The following SYT14 variants were observed in gnomAD, a reference collection of about 807,000 sequenced individuals.
SYT14 encodes the protein synaptotagmin 14, also known as synaptotagmin-14.
SYT14 carries 32 observed loss-of-function variants against 74.2 expected under a neutral mutation model. The ratio of observed to expected loss-of-function variants is 0.43; its 90% CI spans 0.33 to 0.58. The LOEUF is 0.58. Ranked by LOEUF, SYT14 falls within the 20% of genes least tolerant of loss-of-function variation. The probability of loss-of-function intolerance (pLI) is 0.05; values close to 1 mark genes in which losing one functional copy is unlikely to be tolerated. For synonymous variants in SYT14, 298 were observed against 337.7 expected (o/e 0.88, Z 1.29); for missense variants, 791 against 981.8 (o/e 0.81, Z 2.60).
intron 4 of SYT14, chr1:210,017,175 A>G: frequency 9.5e-7 from 1 of 1,057,020 alleles, no homozygotes; most frequent in African/African-American, 1.6e-5. Context: ...CATCATCCAA[A>G]TTTCTCAGCT....
At chr1:209,988,053 C>T (rs1276042731) in intron 2 of SYT14, among the ~76,000 whole-genome samples, 2 of 152,064 alleles carry the variant, frequency 1.3e-5, no homozygotes, top group African/African-American at 4.8e-5. Flanking sequence ...TTGATTTCTT[C>T]TTTTCTCATC....
At chr1:210,159,221 C>T (rs1321864999) in intron 8 of SYT14, among the ~76,000 whole-genome samples, 200 bp from the exon 8 acceptor site, 1 of 152,060 alleles carries the variant, frequency 6.6e-6, no homozygotes, top group African/African-American at 2.4e-5. Flanking sequence ...TACACAATAA[C>T]CTTAAAAATT....
At chr1:209,941,403 T>G (rs1020641578) in intron 1 of SYT14, among the ~76,000 whole-genome samples, 2 of 152,352 alleles carry the variant, frequency 1.3e-5, no homozygotes, top group East Asian at 3.9e-4. Flanking sequence ...GGCCCAGTGA[T>G]CTGGCAATAC....
exon 6 of SYT14, chr1:210,094,414 T>C (rs2081931912): frequency 1.9e-6 from 3 of 1,613,874 alleles, no homozygotes; most frequent in South Asian, 1.1e-5. Context: ...CCATCTGTCA[T>C]GTACACCCTC....
At chr1:210,051,954 A>C (rs1425491124) in intron 5 of SYT14, among the ~76,000 whole-genome samples, 1 of 152,110 alleles carries the variant, frequency 6.6e-6, no homozygotes, top group Non-Finnish European at 1.5e-5. Context: ...TTTTTAGAAG[A>C]TTGTTGGATT....
At chr1:210,130,929 A>G (rs553052803) in intron 7 of SYT14, among the ~76,000 whole-genome samples, 1 of 152,268 alleles carries the variant, frequency 6.6e-6, no homozygotes, top group South Asian at 2.1e-4. Flanking sequence ...TCGGTAACTT[A>G]TTCATAACAT....
chr1:210,129,961 C>G (rs1407274488), intron 7 of SYT14, among the ~76,000 whole-genome samples: 1 of 152,154 alleles, frequency 6.6e-6, no homozygotes, highest in African/African-American at 2.4e-5. Context: ...TGTCATTGCC[C>G]CACAGAATCT....
chr1:210,089,387 A>G (rs1228916636), intron 5 of SYT14, among the ~76,000 whole-genome samples: 1 of 152,138 alleles, frequency 6.6e-6, no homozygotes, highest in African/African-American at 2.4e-5. Flanking sequence ...TCCTTTGCCT[A>G]TATACCCAGT....
chr1:210,166,843 C>T (rs1441678017), exon 10 of SYT14: 1 of 152,060 alleles, frequency 6.6e-6, no homozygotes, highest in Non-Finnish European at 1.5e-5. Flanking sequence ...GCCTGTAGAT[C>T]AGACCTTTAA....
At chr1:210,123,961 A>G (rs1419361100) in intron 7 of SYT14, among the ~76,000 whole-genome samples, 1 of 152,198 alleles carries the variant, frequency 6.6e-6, no homozygotes, top group African/African-American at 2.4e-5. Flanking sequence ...TCATAGAAAA[A>G]AGGGTCTCTT....
At chr1:209,992,341 T>C (rs1479624752) in intron 2 of SYT14, among the ~76,000 whole-genome samples, 1 of 152,076 alleles carries the variant, frequency 6.6e-6, no homozygotes, top group African/African-American at 2.4e-5. Context: ...CATGGAATAC[T>C]ACTCAACTAT....
intron 7 of SYT14, among the ~76,000 whole-genome samples, chr1:210,137,974 C>A (rs1487100533): frequency 1.3e-5 from 2 of 152,140 alleles, no homozygotes; most frequent in Non-Finnish European, 2.9e-5. Context: ...CCACTGCGCC[C>A]AGCCTCTTTT....
intron 5 of SYT14, among the ~76,000 whole-genome samples, chr1:210,041,228 C>A (rs2080782666): frequency 6.6e-6 from 1 of 152,164 alleles, no homozygotes; most frequent in African/African-American, 2.4e-5. Context: ...CAGTCCCTAC[C>A]CAGGGCTCCT....
At chr1:210,161,160 A>G (rs761333856) in exon 10 of SYT14, 3 of 1,140,484 alleles carry the variant, frequency 2.6e-6, no homozygotes, top group Non-Finnish European at 3.9e-6. Context: ...TCAACCTTCT[A>G]CCAAAATGCT....
At chr1:210,072,671 C>T (rs2081416350) in intron 5 of SYT14, among the ~76,000 whole-genome samples, 1 of 151,968 alleles carries the variant, frequency 6.6e-6, no homozygotes, top group African/African-American at 2.4e-5. Flanking sequence ...CTTAGTCCTA[C>T]AACATAGTTT....
intron 5 of SYT14, among the ~76,000 whole-genome samples, chr1:210,085,113 C>T (rs1309546975): frequency 1.3e-5 from 2 of 152,194 alleles, no homozygotes; most frequent in East Asian, 3.8e-4. Flanking sequence ...ACAACAATGT[C>T]ATTTCTTAGC....
In SYT14 at chr1:210,155,047, C is replaced by A. The variant is rs11119423; in HGVS notation, c.2035-674C>A. Among the ~76,000 whole-genome samples the A allele has an allele frequency of 2.0e-4, 31 of 151,974 alleles. No homozygotes were observed. In the South Asian group the frequency reaches 2.5e-3, roughly 12 times the overall value. ...GATGTCTGTGTTTCTCTTTCTAGTTCTGGCCATTTTTGCTTTCTGTATTTT... is the reference window on the plus strand; with the variant it reads ...GATGTCTGTGTTTCTCTTTCTAGTTATGGCCATTTTTGCTTTCTGTATTTT... On this transcript the variant is annotated intron_variant, in intron 7 of 9. Coordinates refer to ENST00000637265, the Ensembl canonical transcript of SYT14.
rs553513585 is a variant in SYT14, at chr1:210,136,615, G to A, written c.2035-19106G>A. Among the ~76,000 whole-genome samples the A allele has an allele frequency of 4.6e-5, 7 of 152,272 alleles. 1 individual carries two copies. In the South Asian group the frequency reaches 1.4e-3, roughly 32 times the overall value. ...ACAAGAAGGGGCTGATGAACAAAAAGTATAGTGTCAAGCACTGAAGGTCCA... is the reference window on the plus strand; with the variant it reads ...ACAAGAAGGGGCTGATGAACAAAAAATATAGTGTCAAGCACTGAAGGTCCA... On this transcript the variant is annotated intron_variant, in intron 7 of 9. Coordinates refer to ENST00000637265, the Ensembl canonical transcript of SYT14.
At chr1:210,106,597 G>A (rs1021530765) in intron 7 of SYT14, among the ~76,000 whole-genome samples, 2 of 152,136 alleles carry the variant, frequency 1.3e-5, no homozygotes, top group Non-Finnish European at 2.9e-5. Flanking sequence ...AGGGGGAAAA[G>A]CCCCTTATAA....
Sources: gnomAD v4.1 joint callset for allele counts (sites outside exome capture counted in the v4.1 genomes callset) on GRCh38, gnomAD v4.1.1 for gene constraint, MANE v1.5 for transcripts, NCBI Gene and HGNC (gene_info 2026-07-23, HGNC 2026-07-21) for gene names.